The following COL11A1 variants were observed in gnomAD, a reference collection of about 807,000 sequenced individuals.
COL11A1 encodes the protein collagen alpha-1(XI) chain.
In COL11A1, 74 loss-of-function variants were observed where a neutral mutation model predicts 265.2. The observed-to-expected ratio is 0.28, with a 90% CI of 0.23 to 0.34. The LOEUF (loss-of-function observed/expected upper bound fraction) is 0.34. Among genes scored for constraint, COL11A1 ranks in the 10% least tolerant of loss-of-function variants. The pLI is 1.00. For missense variants in COL11A1, 2,165 were observed against 2,263.6 expected, an observed-to-expected ratio of 0.96 and a Z score of 0.88; for synonymous variants, 816 against 727.6, an observed-to-expected ratio of 1.12 and a Z score of -1.96.
chr1:102,898,030 C>A lies in COL11A1; in HGVS notation c.4302+95G>T, dbSNP rs12068229. 8.8e-3 allele frequency: 6,067 copies of A among 691,684 alleles called. 297 individuals are homozygous for A. In the African/African-American group the frequency reaches 0.1, roughly 12 times the overall value. 42.8% of individuals were successfully genotyped at this position (691,684 alleles called of 1,614,324 possible). A position where few individuals can be genotyped will look rare whatever the true frequency, so the allele number is the denominator to read the frequency against. On this transcript the variant is annotated intron_variant, in intron 57 of 66. Coordinates refer to ENST00000370096, the MANE Select transcript of COL11A1 (RefSeq NM_001854.4). Reference sequence around the variant, plus strand: ...CTTGGACTATTAGAAAAAATACAAACCTATTTATAAACTAAAATGTCAAAA... The same window carrying A: ...CTTGGACTATTAGAAAAAATACAAAACTATTTATAAACTAAAATGTCAAAA...
intron 10 of COL11A1, 97 bp downstream of exon 10, chr1:103,018,721 T>C: frequency 1.0e-6 from 1 of 977,780 alleles, no homozygotes; most frequent in Non-Finnish European, 1.6e-6. Context: ...TAATTCAATA[T>C]TCTAATTAGT....
At chr1:102,997,014 C>A in intron 26 of COL11A1, 66 bp downstream of exon 26, 1 of 1,365,488 alleles carries the variant, frequency 7.3e-7, no homozygotes, top group Non-Finnish European at 1.0e-6. Flanking sequence ...ATGAGATGAC[C>A]AAATTAAGGC....
chr1:103,049,476 T>A (rs1472026293), intron 4 of COL11A1, among the ~76,000 whole-genome samples: 1 of 152,204 alleles, frequency 6.6e-6, no homozygotes, highest in Non-Finnish European at 1.5e-5. Context: ...ATCCTTTTAT[T>A]TTGAGCCTAT....
chr1:102,920,250 C>G (rs1655821809), intron 49 of COL11A1, 61 bp downstream of exon 49: 7 of 1,432,342 alleles, frequency 4.9e-6, no homozygotes, highest in Admixed American at 1.7e-5. Flanking sequence ...AAACTACTAC[C>G]CAATATTATT....
intron 36 of COL11A1, 61 bp downstream of exon 36, chr1:102,974,769 T>C: frequency 8.0e-7 from 1 of 1,248,342 alleles, no homozygotes; most frequent in Non-Finnish European, 1.2e-6. Context: ...ATGTAAGCTG[T>C]GACTCTCAAA....
chr1:103,010,626 C>T (rs1362071458), intron 14 of COL11A1, among the ~76,000 whole-genome samples: 4 of 151,936 alleles, frequency 2.6e-5, no homozygotes, highest in Non-Finnish European at 4.4e-5. Context: ...GAATCCATTT[C>T]CTTGTGTTTT....
intron 4 of COL11A1, among the ~76,000 whole-genome samples, chr1:103,069,878 G>A (rs79659653): frequency 0.012 from 1,770 of 151,962 alleles, 43 homozygotes; most frequent in African/African-American, 0.04. Context: ...TAGTTAGAAT[G>A]CCTAAAATGA....
intron 41 of COL11A1, among the ~76,000 whole-genome samples, chr1:102,953,439 G>T (rs752820065): frequency 6.6e-6 from 1 of 152,002 alleles, no homozygotes; most frequent in Non-Finnish European, 1.5e-5. Context: ...GAAATAGTTT[G>T]TCATCAGGTT....
rs1275523798 is a variant in COL11A1 at position 103,002,417 on chromosome 1, C to T, written c.2097+11G>A. The stretch of plus-strand genomic sequence containing the variant: ...CATTATTTCAAAGGAGCTGCAGTGG[C>T]TTAGACTTACCTGAGGTCCTGGATT... On this transcript the variant is annotated intron_variant, in intron 23 of 66. Transcript: ENST00000370096. 1.1e-5 allele frequency: 17 copies of T among 1,603,924 alleles called. No homozygotes were observed. The highest frequency in any genetic ancestry group is 1.4e-5 in the Non-Finnish European group (17 of 1,174,710).
At chr1:102,944,983 T>G (rs1249892026) in intron 42 of COL11A1, among the ~76,000 whole-genome samples, 1 of 152,192 alleles carries the variant, frequency 6.6e-6, no homozygotes, top group Non-Finnish European at 1.5e-5. Context: ...CACCTAAAAG[T>G]TCTATCCACA....
chr1:102,909,993 T>C (rs889785357), intron 54 of COL11A1, among the ~76,000 whole-genome samples: 2 of 152,024 alleles, frequency 1.3e-5, no homozygotes, highest in Admixed American at 6.6e-5. Context: ...AAGTTTATAA[T>C]ATCAATAGCG....
intron 31 of COL11A1, among the ~76,000 whole-genome samples, chr1:102,981,093 C>G (rs1662992404): frequency 6.6e-6 from 1 of 152,090 alleles, no homozygotes; most frequent in Admixed American, 6.6e-5. Context: ...CCTATGGCAG[C>G]TGATAGTCAA....
intron 52 of COL11A1, among the ~76,000 whole-genome samples, chr1:102,913,956 A>G (rs1655004319): frequency 1.3e-5 from 2 of 152,240 alleles, no homozygotes; most frequent in African/African-American, 2.4e-5. Context: ...TGTCATTAGT[A>G]TACAATGTCA....
intron 4 of COL11A1, among the ~76,000 whole-genome samples, chr1:103,073,539 T>A (rs1671740841): frequency 1.3e-5 from 2 of 151,850 alleles, no homozygotes; most frequent in South Asian, 2.1e-4. Context: ...ATTTACATAA[T>A]CTAGCATGAT....
At chr1:103,101,587 G>A (rs1674275527) in intron 1 of COL11A1, among the ~76,000 whole-genome samples, 1 of 151,836 alleles carries the variant, frequency 6.6e-6, no homozygotes, top group Admixed American at 6.6e-5. Context: ...CTTTAAGCCC[G>A]GATGTCAGTT....
chr1:103,098,350 T>C (rs546372630), intron 1 of COL11A1, among the ~76,000 whole-genome samples: 1 of 152,034 alleles, frequency 6.6e-6, no homozygotes, highest in East Asian at 1.9e-4. Flanking sequence ...GCCAGATACA[T>C]TTCTATTTAT....
intron 54 of COL11A1, among the ~76,000 whole-genome samples, chr1:102,901,234 C>G (rs967096217): frequency 6.6e-6 from 1 of 151,438 alleles, no homozygotes; most frequent in African/African-American, 2.4e-5. Flanking sequence ...GCAGGAGAAT[C>G]GCTTGAACCC....
At chr1:102,934,394 A>C in intron 46 of COL11A1, 55 bp downstream of exon 46, 1 of 1,273,852 alleles carries the variant, frequency 7.9e-7, no homozygotes. Context: ...CCACCAGAAA[A>C]CCTGGTGAGA....
At chr1:102,980,393 C>T (rs1662925672) in intron 31 of COL11A1, among the ~76,000 whole-genome samples, 2 of 152,122 alleles carry the variant, frequency 1.3e-5, no homozygotes, top group East Asian at 1.9e-4. Flanking sequence ...TTTAGTTGAT[C>T]ATGATTGTGA....
Sources: gnomAD v4.1 joint callset for allele counts (sites outside exome capture counted in the v4.1 genomes callset) on GRCh38, gnomAD v4.1.1 for gene constraint, MANE v1.5 for transcripts, NCBI Gene and HGNC (gene_info 2026-07-23, HGNC 2026-07-21) for gene names.